The following CCDC181 variants were observed in gnomAD, a reference collection of about 807,000 sequenced individuals.
CCDC181 encodes coiled-coil domain-containing protein 181.
A neutral mutation model predicts 58.7 loss-of-function variants in CCDC181; 35 were observed. That is an observed-to-expected ratio of 0.60 (90% CI 0.46 to 0.79). CCDC181 has a LOEUF of 0.79. Ranked by LOEUF, CCDC181 falls within the 30% of genes least tolerant of loss-of-function variation. The probability of loss-of-function intolerance (pLI) is 0.00; values close to 1 mark genes in which losing one functional copy is unlikely to be tolerated. For synonymous variants in CCDC181, 183 were observed against 197.5 expected (o/e 0.93, Z 0.62); for missense variants, 517 against 583.9 (o/e 0.89, Z 1.18).
chr1:169,403,511 C>G (rs551690377), intron 4 of CCDC181, among the ~76,000 whole-genome samples: 1 of 152,316 alleles, frequency 6.6e-6, no homozygotes, highest in African/African-American at 2.4e-5. Flanking sequence ...GAAACTCACT[C>G]AAAACCGCTC....
At chr1:169,458,297 A>G (rs1318736361) in intron 2 of CCDC181, among the ~76,000 whole-genome samples, 2 of 151,404 alleles carry the variant, frequency 1.3e-5, no homozygotes, top group African/African-American at 4.9e-5. Flanking sequence ...AAATGCATAT[A>G]TTTGACTTTA....
chr1:169,401,568 A>G lies in CCDC181; in HGVS notation c.1216-4177T>C, dbSNP rs190029786. On this transcript the variant is annotated intron_variant, in intron 4 of 5. Coordinates refer to ENST00000367806, the MANE Select transcript of CCDC181 (RefSeq NM_001300969.2). Reference sequence around the variant, plus strand: ...TGGAGTGGACCTCCAGCAAACTCCAATAGACCCACAGGTGAGGGTCCTGAC... The same window carrying G: ...TGGAGTGGACCTCCAGCAAACTCCAGTAGACCCACAGGTGAGGGTCCTGAC... Among the ~76,000 whole-genome samples, 311 of 152,358 alleles carry G rather than the reference A, an allele frequency of 2.0e-3. 1 individual carries two copies. Among genetic ancestry groups the G allele is most frequent in the East Asian group, 4.6e-3 (24 of 5,182 alleles).
intron 3 of CCDC181, among the ~76,000 whole-genome samples, chr1:169,420,072 C>T (rs1420337885): frequency 1.3e-5 from 2 of 152,184 alleles, no homozygotes; most frequent in African/African-American, 2.4e-5. Context: ...ATTATCCATC[C>T]TTCACACCAG....
chr1:169,413,875 G>C (rs868713710), intron 4 of CCDC181, among the ~76,000 whole-genome samples: 2 of 152,014 alleles, frequency 1.3e-5, no homozygotes, highest in Admixed American at 6.6e-5. Context: ...GTCGGAGGGT[G>C]GGGGGCTAGG....
At chr1:169,444,680 C>T (rs1021505429) in intron 2 of CCDC181, among the ~76,000 whole-genome samples, 5 of 152,008 alleles carry the variant, frequency 3.3e-5, no homozygotes, top group African/African-American at 7.2e-5. Flanking sequence ...TCTTGAATAC[C>T]GCATGTCTTG....
At chr1:169,431,095 A>G (rs1197398170), upstream of CCDC181, among the ~76,000 whole-genome samples, 5 of 152,250 alleles carry the variant, frequency 3.3e-5, no homozygotes, top group South Asian at 1.0e-3. Context: ...TTTCCTTTCA[A>G]CTGCATTCTA....
chr1:169,418,183 T>C (rs1038390254), intron 4 of CCDC181, among the ~76,000 whole-genome samples: 9 of 152,234 alleles, frequency 5.9e-5, no homozygotes, highest in African/African-American at 2.2e-4. Flanking sequence ...AGATTACTGA[T>C]GTTCCCATAG....
upstream of CCDC181, among the ~76,000 whole-genome samples, chr1:169,427,956 A>G (rs966253805): frequency 9.8e-5 from 15 of 152,360 alleles, no homozygotes; most frequent in African/African-American, 3.6e-4. Context: ...GTATAAAGGC[A>G]AAGCAAGATG....
At chr1:169,411,088 C>CAATG (rs1297973524) in intron 4 of CCDC181, among the ~76,000 whole-genome samples, 1 of 150,960 alleles carries the variant, frequency 6.6e-6, no homozygotes, top group Non-Finnish European at 1.5e-5. Context: ...TTCAAAAAAT[C>CAATG]AATCCAGGAG....
chr1:169,409,433 C>T (rs1212695503), intron 4 of CCDC181, among the ~76,000 whole-genome samples: 1 of 152,114 alleles, frequency 6.6e-6, no homozygotes, highest in Non-Finnish European at 1.5e-5. Flanking sequence ...CTGAAAGTGA[C>T]AGAGAGAATG....
chr1:169,408,839 C>T lies in CCDC181; in HGVS notation c.1215+10174G>A, dbSNP rs185051634. On this transcript the variant is annotated intron_variant, in intron 4 of 5. Transcript: ENST00000367806. ...ACTAACAAACAGAAAGGAATAGCATCAACATCAACAAAAAGGATATCCACA... is the reference window on the plus strand; with the variant it reads ...ACTAACAAACAGAAAGGAATAGCATTAACATCAACAAAAAGGATATCCACA... 4.6e-3 allele frequency among the ~76,000 whole-genome samples: 695 copies of T among 152,248 alleles called. 20 individuals carry two copies. In the South Asian group the frequency reaches 0.059, roughly 13 times the overall value.
intron 4 of CCDC181, among the ~76,000 whole-genome samples, chr1:169,397,731 C>T (rs1398194303): frequency 6.6e-6 from 1 of 152,070 alleles, no homozygotes; most frequent in Non-Finnish European, 1.5e-5. Context: ...TGGCTTATTT[C>T]GTGGTCCCTC....
At chr1:169,459,929 AG>A (rs1345174903) in intron 1 of CCDC181, 2 of 145,796 alleles carry the variant, frequency 1.4e-5, no homozygotes, top group East Asian at 2.0e-4. Flanking sequence ...AAAAAAAAAA[AG>A]GAGGAGGCGG....
rs1256311069 is a variant in CCDC181, at chr1:169,424,960, T to A, written c.-23-10A>T. ...TTGTGAAGGAAATATGCTGTAAGAT[T>A]TTAAAAGATAAGGTATATGTTATGC... On this transcript the variant is annotated splice_polypyrimidine_tract_variant and intron_variant, in intron 1 of 5. Coordinates refer to ENST00000367806, the MANE Select transcript of CCDC181 (RefSeq NM_001300969.2). 7.5e-7 allele frequency: 1 copy of A among 1,335,320 alleles called. No individual in the cohort carries two copies. The highest frequency in any genetic ancestry group is 1.1e-6 in the Non-Finnish European group (1 of 932,878). 82.7% of individuals were successfully genotyped at this position (1,335,320 alleles called of 1,614,324 possible).
intron 2 of CCDC181, 136 bp from the exon 3 acceptor site, chr1:169,422,449 A>G (rs540843542): frequency 1.5e-5 from 9 of 592,252 alleles, no homozygotes; most frequent in Non-Finnish European, 2.2e-5. Flanking sequence ...TAATTTGCTC[A>G]TAACATTCTA....
At chr1:169,403,380 C>T (rs1179955053) in intron 4 of CCDC181, among the ~76,000 whole-genome samples, 4 of 152,254 alleles carry the variant, frequency 2.6e-5, no homozygotes, top group African/African-American at 4.8e-5. Context: ...CCACATCACA[C>T]TTATTCCAAA....
At chr1:169,456,508 T>C (rs183055219) in intron 2 of CCDC181, among the ~76,000 whole-genome samples, 2 of 152,316 alleles carry the variant, frequency 1.3e-5, no homozygotes, top group Non-Finnish European at 2.9e-5. Context: ...TAATCCCCAA[T>C]GTGGCAGTTA....
At chr1:169,407,029 A>C (rs1655699906) in intron 4 of CCDC181, among the ~76,000 whole-genome samples, 1 of 148,244 alleles carries the variant, frequency 6.7e-6, no homozygotes, top group African/African-American at 2.5e-5. Flanking sequence ...TTGGATTTCC[A>C]GAAGGAGAGG....
At chr1:169,403,512 A>G (rs1390700352) in intron 4 of CCDC181, among the ~76,000 whole-genome samples, 1 of 152,250 alleles carries the variant, frequency 6.6e-6, no homozygotes, top group African/African-American at 2.4e-5. Context: ...AAACTCACTC[A>G]AAACCGCTCA....
Sources: allele counts gnomAD v4.1 joint callset (sites outside exome capture counted in the v4.1 genomes callset), GRCh38; gene constraint gnomAD v4.1.1; transcripts MANE v1.5; gene names NCBI Gene and HGNC (gene_info 2026-07-23, HGNC 2026-07-21).